The following RPA1 variants were observed in gnomAD, a reference collection of about 807,000 sequenced individuals.
The protein encoded by RPA1 is replication protein A 70 kDa DNA-binding subunit.
A neutral mutation model predicts 83.0 loss-of-function variants in RPA1; 49 were observed. The ratio of observed to expected loss-of-function variants is 0.59; its 90% confidence interval spans 0.47 to 0.75. The LOEUF (loss-of-function observed/expected upper bound fraction) is 0.75. RPA1 is among the 30% of genes least tolerant of loss of function. RPA1 has a pLI of 0.00. For synonymous variants in RPA1, 279 were observed against 281.8 expected, an observed-to-expected ratio of 0.99 and a Z score of 0.10; for missense variants, 693 against 776.1, an observed-to-expected ratio of 0.89 and a Z score of 1.27.
At position 1,897,359 on chromosome 17, in the gene RPA1, T is replaced by C. The variant is rs1567832773; in HGVS notation, c.*184T>C. 1.7e-6 allele frequency: 1 copy of C among 573,174 alleles called. No individual in the cohort carries two copies. Among genetic ancestry groups the C allele is most frequent in the Non-Finnish European group, 3.1e-6 (1 of 323,218 alleles). 35.5% of individuals were successfully genotyped at this position (573,174 alleles called of 1,614,324 possible). A position where few individuals can be genotyped will look rare whatever the true frequency, so the allele number is the denominator to read the frequency against. ...GTAGGCAAAGGAAAATACGCTCAGGTGGTTGTGGTGTAGACTGTGTCAGGC... is the reference window on the plus strand; with the variant it reads ...GTAGGCAAAGGAAAATACGCTCAGGCGGTTGTGGTGTAGACTGTGTCAGGC... On this transcript the variant is annotated 3_prime_UTR_variant, in exon 17 of 17. Coordinates refer to ENST00000254719, the MANE Select transcript of RPA1 (RefSeq NM_002945.5).
rs767007688 is a variant in RPA1, at chr17:1,884,366, G to A, written c.1374+422G>A. 5.9e-5 allele frequency among the ~76,000 whole-genome samples: 9 copies of A among 152,184 alleles called. No homozygotes were observed. Among genetic ancestry groups the A allele is most frequent in the Non-Finnish European group, 1.2e-4 (8 of 68,036 alleles). The stretch of plus-strand genomic sequence containing the variant: ...GGTCAGACATGAGGCAGTTTCACGG[G>A]TGCTGTTCCTGGCTGTAGAATAGTG... On this transcript the variant is annotated intron_variant, in intron 13 of 16. Coordinates refer to ENST00000254719, the MANE Select transcript of RPA1 (RefSeq NM_002945.5). The surrounding 1 kb of genome is among the most constrained non-coding windows in gnomAD (Gnocchi z 4.1).
At chr17:1,883,107 G>A (rs1483786692) in intron 12 of RPA1, among the ~76,000 whole-genome samples, 1 of 152,144 alleles carries the variant, frequency 6.6e-6, no homozygotes, top group Non-Finnish European at 1.5e-5. Flanking sequence ...GATTGTCTGA[G>A]TCCAGGAGTT....
At chr17:1,888,031 C>G (rs1047476083) in intron 13 of RPA1, among the ~76,000 whole-genome samples, 1 of 152,136 alleles carries the variant, frequency 6.6e-6, no homozygotes, top group African/African-American at 2.4e-5. Context: ...AGTCTTCAAT[C>G]TGTAAAAAAT....
intron 3 of RPA1, among the ~76,000 whole-genome samples, chr17:1,844,334 A>C (rs765835602): frequency 3.3e-5 from 5 of 152,198 alleles, no homozygotes; most frequent in Non-Finnish European, 7.3e-5. Context: ...TGGAAGCTGT[A>C]AAGGGGAGAA....
At chr17:1,845,813 T>C (rs1009592615) in intron 4 of RPA1, among the ~76,000 whole-genome samples, 1 of 152,042 alleles carries the variant, frequency 6.6e-6, no homozygotes, top group African/African-American at 2.4e-5. Context: ...GTGCCTGTGG[T>C]CCCAGCTACT....
In RPA1 at chr17:1,884,597, A is replaced by G. The variant is rs149528863; in HGVS notation, c.1374+653A>G. 3.9e-5 allele frequency among the ~76,000 whole-genome samples: 6 copies of G among 152,246 alleles called. No individual in the cohort carries two copies. Among genetic ancestry groups the G allele is most frequent in the African/African-American group, 1.2e-4 (5 of 41,542 alleles). On this transcript the variant is annotated intron_variant, in intron 13 of 16. Transcript: ENST00000254719. The surrounding 1 kb of genome is among the most constrained non-coding windows in gnomAD (Gnocchi z 4.1). The stretch of plus-strand genomic sequence containing the variant: ...CTGCTCTTTTATTTTCATCATATAC[A>G]GTGTAGGTTTCATTCCTCCTGTCTC...
intron 1 of RPA1, 97 bp downstream of exon 1, chr17:1,830,223 GATGAACGCGAGGGGAGGAGATGGC>G: frequency 1.4e-6 from 1 of 698,678 alleles, no homozygotes; most frequent in Non-Finnish European, 1.8e-6. Context: ...GGCGACGGGG[GATGAACGCGAGGGGAGGAGATGGC>G]GGGGGGCGGT....
At chr17:1,847,850 T>C (rs1396036957) in intron 4 of RPA1, among the ~76,000 whole-genome samples, 1 of 151,894 alleles carries the variant, frequency 6.6e-6, no homozygotes, top group Non-Finnish European at 1.5e-5. Context: ...TGAAACCCCA[T>C]CTCTACTAAA....
At chr17:1,867,821 G>A (rs1284240985) in intron 5 of RPA1, among the ~76,000 whole-genome samples, 1 of 151,628 alleles carries the variant, frequency 6.6e-6, no homozygotes, top group East Asian at 2.0e-4. Flanking sequence ...GCTGACACCT[G>A]TAATCGCAGC....
Position 1,844,820 on chromosome 17 carries a change from C to A in RPA1, c.272+134C>A. 7.5e-6 allele frequency: 4 copies of A among 530,932 alleles called. No individual in the cohort carries two copies. The South Asian group carries it at 1.3e-4, about 18-fold the overall frequency. 32.9% of individuals were successfully genotyped at this position (530,932 alleles called of 1,614,324 possible). A position where few individuals can be genotyped will look rare whatever the true frequency, so the allele number is the denominator to read the frequency against. ...AAGAACTCAGGTAGCTAACACATGG[C>A]ACCCAAGGAGGAGAAACATGGAAAC... On this transcript the variant is annotated intron_variant, in intron 4 of 16. Coordinates refer to ENST00000254719, the MANE Select transcript of RPA1 (RefSeq NM_002945.5).
chr17:1,887,947 A>G (rs1218312806), intron 13 of RPA1, among the ~76,000 whole-genome samples: 3 of 152,348 alleles, frequency 2.0e-5, no homozygotes, highest in African/African-American at 7.2e-5. Context: ...TACTGTCTTT[A>G]TGTGACACAG....
Position 1,830,058 on chromosome 17 carries a change from T to C in RPA1, c.-36T>C, listed in dbSNP as rs1911466432. 2 of 1,248,940 alleles carry C rather than the reference T, an allele frequency of 1.6e-6. No homozygotes were observed. The highest frequency in any genetic ancestry group is 4.1e-5 in the South Asian group (1 of 24,430). The allele number at this position is 1,248,940 out of a possible 1,614,324, so 77.4% of individuals were successfully genotyped here. A position where few individuals can be genotyped will look rare whatever the true frequency, so the allele number is the denominator to read the frequency against. ...GACCCGGGTGGGGAAGCTGGAGCTG[T>C]TGCGGGGTCCGCGGGGAAGTCTTGG... On this transcript the variant is annotated 5_prime_UTR_variant, in exon 1 of 17. Coordinates refer to ENST00000254719, the MANE Select transcript of RPA1 (RefSeq NM_002945.5).
intron 5 of RPA1, chr17:1,858,083 G>A (rs1174544080): frequency 1.1e-5 from 17 of 1,613,476 alleles, no homozygotes; most frequent in Non-Finnish European, 1.4e-5. Flanking sequence ...GTAAGAACCA[G>A]GACAACCACT....
intron 1 of RPA1, among the ~76,000 whole-genome samples, chr17:1,830,806 C>G (rs568963149): frequency 1.5e-4 from 23 of 151,770 alleles, no homozygotes; most frequent in Admixed American, 1.4e-3. Flanking sequence ...CTCACTGTCG[C>G]CCAGGCTGGA....
In RPA1 at chr17:1,899,787, C is replaced by A. The variant is rs17292643; in HGVS notation, c.*2612C>A. On this transcript the variant is annotated 3_prime_UTR_variant, in exon 17 of 17. Coordinates refer to ENST00000254719, the MANE Select transcript of RPA1 (RefSeq NM_002945.5). ...CATGTTTCTTTGGCAATATGCCGCC[C>A]AAGGTTTTATTTATAGAGGATGAAA... 6.6e-6 allele frequency: 1 copy of A among 152,198 alleles called. No homozygotes were observed. The highest frequency in any genetic ancestry group is 1.5e-5 in the Non-Finnish European group (1 of 68,042). 9.4% of individuals were successfully genotyped at this position (152,198 alleles called of 1,614,324 possible).
intron 5 of RPA1, among the ~76,000 whole-genome samples, chr17:1,870,135 G>C (rs2151283077): frequency 6.6e-6 from 1 of 152,286 alleles, no homozygotes; most frequent in South Asian, 2.1e-4. Context: ...GTTCTCACCT[G>C]TTAAAGGGTA....
chr17:1,862,162 G>C (rs1912998904), intron 5 of RPA1, among the ~76,000 whole-genome samples: 1 of 150,714 alleles, frequency 6.6e-6, no homozygotes. Flanking sequence ...AAAGTGCTGG[G>C]ATTACAGGCG....
chr17:1,881,885 C>T (rs906116141), intron 12 of RPA1, among the ~76,000 whole-genome samples: 3 of 18,104 alleles, frequency 1.7e-4, no homozygotes, highest in Non-Finnish European at 5.3e-4. Flanking sequence ...TAAGAAGGGC[C>T]GCCTTGACTC....
At chr17:1,881,828 A>C (rs1291464765) in intron 12 of RPA1, among the ~76,000 whole-genome samples, 1 of 152,200 alleles carries the variant, frequency 6.6e-6, no homozygotes, top group African/African-American at 2.4e-5. Context: ...CTGGACAAGG[A>C]TTAGAGATGT....
Sources: allele counts gnomAD v4.1 joint callset (sites outside exome capture counted in the v4.1 genomes callset), GRCh38; gene constraint gnomAD v4.1.1; non-coding constraint Gnocchi (gnomAD v3.1); transcripts MANE v1.5; gene names NCBI Gene and HGNC (gene_info 2026-07-23, HGNC 2026-07-21).